LYPLAL1: variants seen among roughly 807,000 people sequenced by gnomAD.
LYPLAL1 encodes the protein lysophospholipase-like protein 1.
In LYPLAL1, 23 loss-of-function variants were observed where a neutral mutation model predicts 19.7. That is an observed-to-expected ratio of 1.17 (90% confidence interval 0.84 to 1.65). The LOEUF (loss-of-function observed/expected upper bound fraction) is 1.65. Ranked by LOEUF, LYPLAL1 falls within the 40% of genes most tolerant of loss-of-function variation. The pLI is 0.00. For synonymous variants in LYPLAL1, 119 were observed against 96.3 expected, an observed-to-expected ratio of 1.24 and a Z score of -1.38; for missense variants, 355 against 279.4, an observed-to-expected ratio of 1.27 and a Z score of -1.93.
the LYPLAL1 span, among the ~76,000 whole-genome samples, chr1:219,363,394 T>G: frequency 2.0e-5 from 3 of 152,192 alleles, no homozygotes; most frequent in African/African-American, 7.2e-5. Context: ...ATTGATTAAA[T>G]GTTGAAATGA....
chr1:219,266,877 A>C, the LYPLAL1 span, among the ~76,000 whole-genome samples: 345 of 152,236 alleles, frequency 2.3e-3, 3 homozygotes, highest in African/African-American at 8.2e-3. Flanking sequence ...TTTCCCCAAA[A>C]TTATGTTTTC....
intron 2 of LYPLAL1, among the ~76,000 whole-genome samples, chr1:219,187,492 T>TA (rs1386408653): frequency 6.6e-6 from 1 of 151,708 alleles, no homozygotes; most frequent in Non-Finnish European, 1.5e-5. Flanking sequence ...TATTTACAAT[T>TA]AGAGATTTTC....
the LYPLAL1 span, among the ~76,000 whole-genome samples, chr1:219,400,243 T>C: frequency 6.6e-6 from 1 of 152,026 alleles, no homozygotes; most frequent in Non-Finnish European, 1.5e-5. Context: ...GTCTCAGCCC[T>C]TTGGTGGCAG....
At chr1:219,400,235 C>G in the LYPLAL1 span, among the ~76,000 whole-genome samples, 1 of 152,102 alleles carries the variant, frequency 6.6e-6, no homozygotes, top group South Asian at 2.1e-4. Flanking sequence ...CACCAGTTGT[C>G]TCAGCCCTTT....
chr1:219,207,746 A>G (rs1031167511), intron 3 of LYPLAL1, among the ~76,000 whole-genome samples: 2 of 152,042 alleles, frequency 1.3e-5, no homozygotes, highest in African/African-American at 2.4e-5. Context: ...GGCAGTATGT[A>G]GAATGTCTGA....
At chr1:219,388,790 A>G in the LYPLAL1 span, among the ~76,000 whole-genome samples, 4 of 152,228 alleles carry the variant, frequency 2.6e-5, no homozygotes, top group African/African-American at 9.6e-5. Context: ...TCTAGGTTTT[A>G]TAGAGATGTA....
chr1:219,213,394 C>T (rs1659173945), downstream of LYPLAL1, among the ~76,000 whole-genome samples: 1 of 150,898 alleles, frequency 6.6e-6, no homozygotes, highest in African/African-American at 2.4e-5. Flanking sequence ...TTGCTTTTGA[C>T]TGTTTTTGTT....
chr1:219,296,524 C>G, the LYPLAL1 span, among the ~76,000 whole-genome samples: 1 of 152,070 alleles, frequency 6.6e-6, no homozygotes. Context: ...TATCCATCAA[C>G]CAGGCACATA....
At chr1:219,259,804 TTAAG>T in the LYPLAL1 span, among the ~76,000 whole-genome samples, 5 of 151,022 alleles carry the variant, frequency 3.3e-5, no homozygotes, top group Admixed American at 6.6e-5. Flanking sequence ...TATAAATAAA[TTAAG>T]AAAAAAGAAA....
Position 219,189,743 on chromosome 1 carries a change from C to T in LYPLAL1, c.192-3339C>T, listed in dbSNP as rs546586681. Among the ~76,000 whole-genome samples, 9 of 151,580 alleles carry T rather than the reference C, an allele frequency of 5.9e-5. No homozygotes were observed. The South Asian group carries it at 1.9e-3, about 31-fold the overall frequency. ...GCTCAGTCTGCAAAAATCTGCCCTC[C>T]TCATAGGTTTATGTCATAAAATGTA... is the stretch of plus-strand genomic sequence containing the variant. On this transcript the variant is annotated intron_variant, in intron 2 of 4. Coordinates refer to ENST00000366928, the MANE Select transcript of LYPLAL1 (RefSeq NM_138794.5).
At chr1:219,354,286 TC>T in the LYPLAL1 span, among the ~76,000 whole-genome samples, 372 of 152,304 alleles carry the variant, frequency 2.4e-3, 1 homozygote, top group Non-Finnish European at 4.4e-3. Context: ...AACCTCCACC[TC>T]CCAGGTTCAA....
At chr1:219,339,281 A>G in the LYPLAL1 span, among the ~76,000 whole-genome samples, 1 of 152,150 alleles carries the variant, frequency 6.6e-6, no homozygotes, top group East Asian at 1.9e-4. Context: ...CCTATGCAAT[A>G]TGGTGAAAAT....
the LYPLAL1 span, among the ~76,000 whole-genome samples, chr1:219,241,098 A>ATTCTCTCTCTC: frequency 5.1e-5 from 3 of 59,238 alleles, no homozygotes; most frequent in African/African-American, 2.0e-4. Context: ...AATATATATA[A>ATTCTCTCTCTC]TCTCTCTCTC....
At chr1:219,205,185 G>C (rs372935841) in intron 3 of LYPLAL1, among the ~76,000 whole-genome samples, 1 of 151,296 alleles carries the variant, frequency 6.6e-6, no homozygotes, top group Non-Finnish European at 1.5e-5. Context: ...GTGAAACCCC[G>C]TCTCTACTAC....
the LYPLAL1 span, among the ~76,000 whole-genome samples, chr1:219,431,001 C>T: frequency 6.6e-6 from 1 of 151,984 alleles, no homozygotes; most frequent in Non-Finnish European, 1.5e-5. Flanking sequence ...TTTAAGGGGG[C>T]TTTTGACAAT....
At chr1:219,174,037 G>T (rs1406277569) in intron 1 of LYPLAL1, 56 bp downstream of exon 1, 3 of 1,609,172 alleles carry the variant, frequency 1.9e-6, no homozygotes, top group African/African-American at 1.3e-5. Flanking sequence ...TCCTCCCCTC[G>T]GTTACCCCAG....
At chr1:219,203,292 CT>C (rs879797594) in intron 3 of LYPLAL1, among the ~76,000 whole-genome samples, 4,635 of 139,916 alleles carry the variant, frequency 0.033, 190 homozygotes, top group African/African-American at 0.098. Context: ...GTTTTACAAA[CT>C]TTTTTTTTTT....
the LYPLAL1 span, among the ~76,000 whole-genome samples, chr1:219,441,323 G>A: frequency 4.6e-5 from 7 of 151,994 alleles, no homozygotes; most frequent in African/African-American, 7.2e-5. Context: ...GTGCTCATTC[G>A]TAAAACAATA....
chr1:219,373,042 G>C, the LYPLAL1 span, among the ~76,000 whole-genome samples: 1 of 152,208 alleles, frequency 6.6e-6, no homozygotes, highest in African/African-American at 2.4e-5. Flanking sequence ...TTAGCTGTTT[G>C]TGCCATGCAA....
Sources: allele counts gnomAD v4.1 joint callset (sites outside exome capture counted in the v4.1 genomes callset), GRCh38; gene constraint gnomAD v4.1.1; transcripts MANE v1.5; gene names NCBI Gene and HGNC (gene_info 2026-07-23, HGNC 2026-07-21).